The following UNC5C variants were observed in gnomAD, a reference collection of about 807,000 sequenced individuals.
UNC5C encodes the protein netrin receptor UNC5C.
Under a neutral mutation model 99.8 loss-of-function variants are expected in UNC5C, and 47 were observed. The observed-to-expected ratio is 0.47, with a 90% CI of 0.37 to 0.60. UNC5C has a LOEUF of 0.60. Ranked by LOEUF, UNC5C falls within the 20% of genes least tolerant of loss-of-function variation. UNC5C has a pLI of 0.00. For synonymous variants in UNC5C, 487 were observed against 452.2 expected (o/e 1.08, Z -0.98); for missense variants, 1,062 against 1,165.9 (o/e 0.91, Z 1.30).
intron 12 of UNC5C, among the ~76,000 whole-genome samples, chr4:95,199,574 A>T (rs1737570245): frequency 6.6e-6 from 1 of 152,140 alleles, no homozygotes; most frequent in Admixed American, 6.5e-5. Context: ...CTTTCTCACT[A>T]TTGACCATTT....
At chr4:95,208,582 T>A (rs55857189) in intron 10 of UNC5C, among the ~76,000 whole-genome samples, 7,877 of 152,284 alleles carry the variant, frequency 0.052, 290 homozygotes, top group Non-Finnish European at 0.078. Context: ...TGCTTGCCAT[T>A]TATGTTCTCA....
chr4:95,334,038 A>G (rs533908784), intron 2 of UNC5C, among the ~76,000 whole-genome samples: 97 of 152,144 alleles, frequency 6.4e-4, no homozygotes, highest in Non-Finnish European at 1.1e-3. Flanking sequence ...ATCAGCTTGC[A>G]TTCAGTGAGC....
At position 95,514,645 on chromosome 4, in the gene UNC5C, T is replaced by TTA. The variant is rs201108904; in HGVS notation, c.124+34087_124+34088dup. Among the ~76,000 whole-genome samples the TTA allele has an allele frequency of 1.4e-3, 201 of 147,736 alleles. 1 individual carries two copies. Among genetic ancestry groups the TTA allele is most frequent in the African/African-American group, 2.9e-3 (119 of 40,702 alleles). On this transcript the variant is annotated intron_variant, in intron 1 of 15. Coordinates refer to ENST00000453304, the MANE Select transcript of UNC5C (RefSeq NM_003728.4). ...ATATAAATATATTTATTTATTTATT[T>TTA]TATATATATATATACATATATACAC...
chr4:95,501,236 T>TATGGCCC (rs1721768150), intron 1 of UNC5C, among the ~76,000 whole-genome samples: 1 of 152,112 alleles, frequency 6.6e-6, no homozygotes, highest in Non-Finnish European at 1.5e-5. Context: ...TAGCCCTCTG[T>TATGGCCC]TCAGTGTGGG....
chr4:95,230,118 T>G (rs574381464), intron 7 of UNC5C, among the ~76,000 whole-genome samples: 92 of 152,258 alleles, frequency 6.0e-4, no homozygotes, highest in African/African-American at 2.2e-3. Context: ...GCCTGTTTAC[T>G]GACTTTTTAA....
intron 7 of UNC5C, among the ~76,000 whole-genome samples, chr4:95,233,197 C>T (rs1253278328): frequency 9.9e-5 from 15 of 152,142 alleles, no homozygotes; most frequent in Admixed American, 1.3e-4. Flanking sequence ...AGCTGTGTGA[C>T]GTGTAATTTT....
intron 1 of UNC5C, among the ~76,000 whole-genome samples, chr4:95,478,346 G>C (rs978098202): frequency 6.6e-6 from 1 of 151,872 alleles, no homozygotes; most frequent in Non-Finnish European, 1.5e-5. Context: ...CATTTTTCTT[G>C]TTTTCAGCTG....
intron 13 of UNC5C, among the ~76,000 whole-genome samples, chr4:95,184,633 G>C (rs1330880018): frequency 6.6e-6 from 1 of 152,080 alleles, no homozygotes. Flanking sequence ...CCAAAGTAGG[G>C]CTCCCTCTAA....
chr4:95,427,784 C>T (rs1055860120), intron 1 of UNC5C, among the ~76,000 whole-genome samples: 2 of 152,116 alleles, frequency 1.3e-5, no homozygotes, highest in Admixed American at 6.6e-5. Flanking sequence ...TGGAACCAAA[C>T]CCACAATATC....
chr4:95,426,235 A>G (rs533799845), intron 1 of UNC5C, among the ~76,000 whole-genome samples: 13 of 152,312 alleles, frequency 8.5e-5, no homozygotes, highest in Admixed American at 8.5e-4. Context: ...ATCTTTGATC[A>G]GTGATCTTTG....
intron 1 of UNC5C, among the ~76,000 whole-genome samples, chr4:95,382,962 C>G (rs1181434065): frequency 6.6e-6 from 1 of 152,116 alleles, no homozygotes; most frequent in Non-Finnish European, 1.5e-5. Context: ...TTTGGGGTAT[C>G]AAAATCTGAT....
At position 95,481,802 on chromosome 4, in the gene UNC5C, C is replaced by T. The variant is rs374916754; in HGVS notation, c.124+66932G>A. 3.2e-4 allele frequency among the ~76,000 whole-genome samples: 49 copies of T among 152,138 alleles called. No homozygotes were observed. The East Asian group carries it at 5.0e-3, about 16-fold the overall frequency. On this transcript the variant is annotated intron_variant, in intron 1 of 15. Transcript: ENST00000453304. ...AAATAGTGCTGGGAAAACTGGCTAG[C>T]CATATGTAGAAAGCTGAAAGTGGAT...
At chr4:95,436,082 G>T (rs1388132676) in intron 1 of UNC5C, among the ~76,000 whole-genome samples, 4 of 151,636 alleles carry the variant, frequency 2.6e-5, no homozygotes, top group Non-Finnish European at 4.4e-5. Flanking sequence ...TAATAGAGAT[G>T]CAAATTTATA....
chr4:95,192,674 C>G (rs1235054212), intron 12 of UNC5C, among the ~76,000 whole-genome samples: 1 of 150,096 alleles, frequency 6.7e-6, no homozygotes, highest in Non-Finnish European at 1.5e-5. Flanking sequence ...CCCTGCTCAC[C>G]TCCTCTGTTC....
chr4:95,487,885 C>T (rs1721370779), intron 1 of UNC5C, among the ~76,000 whole-genome samples: 1 of 151,736 alleles, frequency 6.6e-6, no homozygotes, highest in African/African-American at 2.4e-5. Flanking sequence ...TCGATTAACT[C>T]CTTCCTCCTG....
At chr4:95,372,595 T>C (rs1187428017) in intron 1 of UNC5C, among the ~76,000 whole-genome samples, 1 of 152,240 alleles carries the variant, frequency 6.6e-6, no homozygotes, top group Non-Finnish European at 1.5e-5. Context: ...GGATTTAACA[T>C]CCTGATTTTT....
intron 1 of UNC5C, among the ~76,000 whole-genome samples, chr4:95,468,489 A>G (rs1747867387): frequency 6.6e-6 from 1 of 151,974 alleles, no homozygotes; most frequent in Non-Finnish European, 1.5e-5. Context: ...ATCTTTCATC[A>G]TTTCCTTGAT....
At chr4:95,267,786 A>T (rs1372572273) in intron 4 of UNC5C, among the ~76,000 whole-genome samples, 3 of 150,990 alleles carry the variant, frequency 2.0e-5, no homozygotes, top group African/African-American at 7.3e-5. Context: ...AATGCCAGTA[A>T]ATAACAATAC....
chr4:95,238,486 T>A (rs570607818), intron 7 of UNC5C, among the ~76,000 whole-genome samples: 2 of 152,306 alleles, frequency 1.3e-5, no homozygotes, highest in Admixed American at 6.5e-5. Context: ...ATATTCCATG[T>A]TAATATTGTC....
Sources: allele counts gnomAD v4.1 joint callset (sites outside exome capture counted in the v4.1 genomes callset), GRCh38; gene constraint gnomAD v4.1.1; transcripts MANE v1.5; gene names NCBI Gene and HGNC (gene_info 2026-07-23, HGNC 2026-07-21).